The following COPB1 variants were observed in gnomAD, a reference collection of about 807,000 sequenced individuals.
The protein encoded by COPB1 is coatomer subunit beta.
Under a neutral mutation model 108.7 loss-of-function variants are expected in COPB1, and 21 were observed. That is an observed-to-expected ratio of 0.19 (90% CI 0.14 to 0.28). COPB1 has a LOEUF of 0.28. Among genes scored for constraint, COPB1 ranks in the 10% least tolerant of loss-of-function variants. COPB1 has a pLI of 1.00. For synonymous variants in COPB1, 378 were observed against 386.8 expected, an observed-to-expected ratio of 0.98 and a Z score of 0.27; for missense variants, 919 against 1,141.3, an observed-to-expected ratio of 0.81 and a Z score of 2.81.
chr11:14,472,007 G>GT (rs1850416681), intron 14 of COPB1, among the ~76,000 whole-genome samples: 1 of 152,134 alleles, frequency 6.6e-6, no homozygotes, highest in Non-Finnish European at 1.5e-5. Context: ...TTTCAATTTA[G>GT]AAACCTGCTG....
At position 14,469,525 on chromosome 11, in the gene COPB1, G is replaced by A. The variant is rs2134101047; in HGVS notation, c.1776C>T (p.Ile592=). Reference sequence around the variant, plus strand: ...GAAGAGAGGATTTTCCCAAATGCAGGATAGTAGCCATGAGCAACATAGCCT... The same window carrying A: ...GAAGAGAGGATTTTCCCAAATGCAGAATAGTAGCCATGAGCAACATAGCCT... ...VAEAMLLMAT[I]LHLGKSSLPK... The change falls in exon 15 of 22, where the codon ATC becomes ATT. Residue 592 remains isoleucine, a synonymous_variant. Transcript: ENST00000439561. The A allele has an allele frequency of 6.2e-7, 1 of 1,614,142 alleles. No individual in the cohort carries two copies. The highest frequency in any genetic ancestry group is 2.2e-5 in the East Asian group (1 of 44,866).
chr11:14,497,393 A>C (rs546845817), intron 2 of COPB1, among the ~76,000 whole-genome samples: 1 of 152,330 alleles, frequency 6.6e-6, no homozygotes, highest in East Asian at 1.9e-4. Context: ...AGATTTGAAC[A>C]GACATTTCAC....
At chr11:14,494,792 T>C (rs1046136856) in intron 2 of COPB1, 1 of 169,224 alleles carries the variant, frequency 5.9e-6, no homozygotes, top group African/African-American at 2.4e-5. Flanking sequence ...TGTAAATACA[T>C]ACTATTAATT....
intron 14 of COPB1, among the ~76,000 whole-genome samples, chr11:14,472,759 C>T (rs578107158): frequency 5.9e-5 from 9 of 152,286 alleles, no homozygotes; most frequent in Admixed American, 1.3e-4. Flanking sequence ...ATTATGAAGA[C>T]GGGCTTATTT....
chr11:14,480,049 T>C (rs949155252), intron 10 of COPB1, among the ~76,000 whole-genome samples: 18 of 152,114 alleles, frequency 1.2e-4, no homozygotes, highest in Admixed American at 6.5e-5. Flanking sequence ...AGTAATCCTC[T>C]TGCCTAGCCC....
At chr11:14,484,696 C>T (rs1030497232) in intron 7 of COPB1, among the ~76,000 whole-genome samples, 1 of 151,960 alleles carries the variant, frequency 6.6e-6, no homozygotes, top group Admixed American at 6.6e-5. Flanking sequence ...CCAACCTGAG[C>T]GACGGAGTGA....
At chr11:14,498,012 G>C (rs1008514120) in intron 2 of COPB1, among the ~76,000 whole-genome samples, 4 of 152,206 alleles carry the variant, frequency 2.6e-5, no homozygotes, top group African/African-American at 7.2e-5. Context: ...CACGGAGACA[G>C]AGTAAAAGGA....
At chr11:14,465,840 G>A (rs1198028434) in intron 17 of COPB1, among the ~76,000 whole-genome samples, 1 of 95,406 alleles carries the variant, frequency 1.0e-5, no homozygotes, top group Non-Finnish European at 2.1e-5. Flanking sequence ...TGACCCATGT[G>A]TCTTTACTAA....
In COPB1 at chr11:14,458,622, A is replaced by C. The variant is rs750143590; in HGVS notation, c.2712T>G (p.Asp904Glu). 6.2e-7 allele frequency: 1 copy of C among 1,614,060 alleles called. No individual in the cohort carries two copies. The highest frequency in any genetic ancestry group is 1.1e-5 in the South Asian group (1 of 91,074). ...NLYARSIFGE[D>E]ALANVSIEKP... is the part of the protein sequence containing the mutation. Reference sequence around the variant, plus strand: ...TCTCAATGCTGACATTTGCAAGTGCATCTTCACCAAATATGGAACGAGCAT... The same window carrying C: ...TCTCAATGCTGACATTTGCAAGTGCCTCTTCACCAAATATGGAACGAGCAT... Residue 904 changes from aspartate to glutamate, a missense_variant, in exon 21 of 22, where the codon GAT becomes GAG. Physicochemically the swap from Asp to Glu is conservative, Grantham distance 45. Transcript: ENST00000439561.
chr11:14,491,098 T>TTTAA (rs1850890728), intron 4 of COPB1, among the ~76,000 whole-genome samples: 1 of 150,818 alleles, frequency 6.6e-6, no homozygotes, highest in African/African-American at 2.4e-5. Flanking sequence ...AAGGCTAGAG[T>TTTAA]GCAGTGGAGT....
chr11:14,477,588 A>G (rs931724848), intron 11 of COPB1, among the ~76,000 whole-genome samples: 2 of 150,694 alleles, frequency 1.3e-5, no homozygotes, highest in Non-Finnish European at 3.0e-5. Context: ...GCTATTGAGG[A>G]AACTGAGGCA....
chr11:14,473,607 G>A (rs769719230), intron 14 of COPB1, among the ~76,000 whole-genome samples: 3 of 131,378 alleles, frequency 2.3e-5, no homozygotes, highest in East Asian at 2.3e-4. Context: ...TATTGATTAC[G>A]TTTACTATTT....
At position 14,493,320 on chromosome 11, in the gene COPB1, T is replaced by C. The variant is rs1401760394; in HGVS notation, c.491+322A>G. The stretch of plus-strand genomic sequence containing the variant: ...AACAAGGACCAAAGTTAAAAGCCTA[T>C]AGAGGCTAAGCAAGTGAACATATAA... On this transcript the variant is annotated intron_variant, in intron 4 of 21. Coordinates refer to ENST00000439561, the MANE Select transcript of COPB1 (RefSeq NM_001144061.2). 1.2e-4 allele frequency among the ~76,000 whole-genome samples: 19 copies of C among 152,104 alleles called. 1 individual carries two copies. In the East Asian group the frequency reaches 2.7e-3, roughly 22 times the overall value.
chr11:14,485,124 C>T (rs552940472), intron 7 of COPB1, among the ~76,000 whole-genome samples: 1 of 152,316 alleles, frequency 6.6e-6, no homozygotes, highest in South Asian at 2.1e-4. Context: ...CCTCAGCCTT[C>T]AGAATAGCTG....
chr11:14,460,037 TC>T, intron 20 of COPB1, 170 bp downstream of exon 20: 1 of 542,134 alleles, frequency 1.8e-6, no homozygotes, highest in Non-Finnish European at 3.3e-6. Context: ...GATGGTATAG[TC>T]CAATAGAAAG....
chr11:14,483,466 A>G lies in COPB1; in HGVS notation c.838-315T>C, dbSNP rs542533732. Among the ~76,000 whole-genome samples, 3 of 152,310 alleles carry G rather than the reference A, an allele frequency of 2.0e-5. No individual in the cohort carries two copies. In the South Asian group the frequency reaches 6.2e-4, roughly 32 times the overall value. On this transcript the variant is annotated intron_variant, in intron 7 of 21. Coordinates refer to ENST00000439561, the MANE Select transcript of COPB1 (RefSeq NM_001144061.2). ...AGCCAAAATTTAAGGGTTAAAACTA[A>G]GGAACAAGCCAGAAAAATGCAGGAA... is the stretch of plus-strand genomic sequence containing the variant.
chr11:14,475,761 C>A (rs532403414), intron 13 of COPB1, 24 bp downstream of exon 13: 2 of 1,482,742 alleles, frequency 1.3e-6, no homozygotes, highest in Non-Finnish European at 1.8e-6. Context: ...GTACAGCTGG[C>A]AGGGTATATG....
At chr11:14,473,806 C>T (rs921468358) in intron 14 of COPB1, among the ~76,000 whole-genome samples, 2 of 149,476 alleles carry the variant, frequency 1.3e-5, no homozygotes, top group Non-Finnish European at 3.0e-5. Flanking sequence ...AACAGACTTG[C>T]TCAACTCAGG....
chr11:14,461,764 G>A (rs2134092890), intron 18 of COPB1, among the ~76,000 whole-genome samples: 1 of 152,268 alleles, frequency 6.6e-6, no homozygotes, highest in African/African-American at 2.4e-5. Flanking sequence ...TAATACTTTT[G>A]AATAAATATT....
Sources: gnomAD v4.1 joint callset for allele counts (sites outside exome capture counted in the v4.1 genomes callset) on GRCh38, gnomAD v4.1.1 for gene constraint, MANE v1.5 for transcripts, NCBI Gene and HGNC (gene_info 2026-07-23, HGNC 2026-07-21) for gene names.